The following CSMD1 variants were observed in gnomAD, a reference collection of about 807,000 sequenced individuals.
CSMD1 encodes the protein CUB and sushi domain-containing protein 1.
CSMD1 carries 213 observed loss-of-function variants against 417.5 expected under a neutral mutation model. The ratio of observed to expected loss-of-function variants is 0.51; its 90% CI spans 0.46 to 0.57. CSMD1 has a LOEUF of 0.57. Ranked by LOEUF, CSMD1 falls within the 20% of genes least tolerant of loss-of-function variation. The probability of loss-of-function intolerance (pLI) is 0.00; values close to 1 mark genes in which losing one functional copy is unlikely to be tolerated. For synonymous variants in CSMD1, 2,862 were observed against 1,736.8 expected, an observed-to-expected ratio of 1.65 and a Z score of -16.11; for missense variants, 6,923 against 4,529.7, an observed-to-expected ratio of 1.53 and a Z score of -15.17.
intron 3 of CSMD1, among the ~76,000 whole-genome samples, chr8:4,063,474 TA>T (rs1424507136): frequency 6.6e-6 from 1 of 152,348 alleles, no homozygotes; most frequent in Middle Eastern, 3.4e-3. Context: ...TACCATGTCT[TA>T]TATGCGTCTA....
At chr8:3,737,090 G>C (rs1017136767) in intron 6 of CSMD1, among the ~76,000 whole-genome samples, 1 of 152,148 alleles carries the variant, frequency 6.6e-6, no homozygotes, top group Admixed American at 6.5e-5. Flanking sequence ...TTATATTATA[G>C]TCATGTAACT....
chr8:3,647,278 C>A (rs914670237), intron 7 of CSMD1, among the ~76,000 whole-genome samples: 1 of 152,150 alleles, frequency 6.6e-6, no homozygotes, highest in African/African-American at 2.4e-5. Context: ...ACCAGGGTGG[C>A]AGAACCACCC....
intron 7 of CSMD1, among the ~76,000 whole-genome samples, chr8:3,672,700 G>C (rs982977061): frequency 2.0e-5 from 3 of 152,136 alleles, no homozygotes; most frequent in Non-Finnish European, 4.4e-5. Flanking sequence ...TCCAGTGATG[G>C]GCATGGTGGT....
At chr8:3,157,534 G>A (rs986207308) in intron 39 of CSMD1, among the ~76,000 whole-genome samples, 4 of 152,082 alleles carry the variant, frequency 2.6e-5, no homozygotes, top group Non-Finnish European at 4.4e-5. Context: ...TTTTTCTGAG[G>A]CTAAAGGTCT....
At chr8:4,352,770 A>G (rs150585668) in intron 3 of CSMD1, among the ~76,000 whole-genome samples, 182 of 152,334 alleles carry the variant, frequency 1.2e-3, no homozygotes, top group African/African-American at 4.2e-3. Flanking sequence ...ATGGCAGACA[A>G]ATCTACTGTT....
At chr8:4,076,941 T>C (rs1799851674) in intron 3 of CSMD1, among the ~76,000 whole-genome samples, 2 of 152,304 alleles carry the variant, frequency 1.3e-5, no homozygotes, top group South Asian at 4.1e-4. Context: ...AAAAAAATCT[T>C]ACACAAGGAT....
chr8:4,321,196 ATG>A (rs1462734630), intron 3 of CSMD1, among the ~76,000 whole-genome samples: 1 of 152,010 alleles, frequency 6.6e-6, no homozygotes, highest in African/African-American at 2.4e-5. Flanking sequence ...AGGGTTCAAC[ATG>A]TGTGTCCAGT....
chr8:4,164,890 A>T (rs56018917), intron 3 of CSMD1, among the ~76,000 whole-genome samples: 61,302 of 150,198 alleles, frequency 0.41, 13,352 homozygotes, highest in East Asian at 0.58. Flanking sequence ...GAAAAAAAAA[A>T]ATATATATAT....
intron 10 of CSMD1, among the ~76,000 whole-genome samples, chr8:3,562,806 A>T (rs1466687758): frequency 6.6e-6 from 1 of 152,064 alleles, no homozygotes; most frequent in African/African-American, 2.4e-5. Context: ...ATCGAGAAAA[A>T]CAACTAAGGC....
At chr8:4,565,627 C>T (rs1278658375) in intron 2 of CSMD1, among the ~76,000 whole-genome samples, 2 of 151,434 alleles carry the variant, frequency 1.3e-5, no homozygotes, top group African/African-American at 4.9e-5. Context: ...CCCAGCTACT[C>T]AGGAGGCTGA....
intron 2 of CSMD1, among the ~76,000 whole-genome samples, chr8:4,596,606 T>C (rs960974413): frequency 1.3e-5 from 2 of 152,248 alleles, no homozygotes; most frequent in African/African-American, 2.4e-5. Flanking sequence ...TCTTCCTAAA[T>C]CAATGCAACA....
At chr8:4,076,643 A>G (rs1799836099) in intron 3 of CSMD1, among the ~76,000 whole-genome samples, 1 of 152,220 alleles carries the variant, frequency 6.6e-6, no homozygotes, top group Non-Finnish European at 1.5e-5. Context: ...TATAAGGATT[A>G]TTCTCTAACA....
intron 1 of CSMD1, among the ~76,000 whole-genome samples, chr8:4,802,126 G>C (rs1343828889): frequency 6.6e-6 from 1 of 152,188 alleles, no homozygotes; most frequent in Non-Finnish European, 1.5e-5. Context: ...AGGCCATCTG[G>C]AGGGATCTCA....
rs140379456 is a variant in CSMD1 at position 3,065,595 on chromosome 8, T to C, written c.7475-12948A>G. 1.6e-4 allele frequency among the ~76,000 whole-genome samples: 24 copies of C among 151,942 alleles called. No individual in the cohort carries two copies. In the East Asian group the frequency reaches 3.3e-3, roughly 21 times the overall value. The stretch of plus-strand genomic sequence containing the variant: ...ATAGATACATAGATACACAGATCGA[T>C]AGGAAGATAGAAAGATAGGAAGATG... On this transcript the variant is annotated intron_variant, in intron 49 of 69. Coordinates refer to ENST00000635120, the MANE Select transcript of CSMD1 (RefSeq NM_033225.6).
rs77810313 is a variant in CSMD1 at position 4,600,763 on chromosome 8, G to A, written c.302+36579C>T. On this transcript the variant is annotated intron_variant, in intron 2 of 69. Transcript: ENST00000635120. ...ATCTGCTCTTTATGGGAACTAAGGC[G>A]TGAGGATAAATTGTTAGTAACTTCA... is the stretch of plus-strand genomic sequence containing the variant. 5.9e-3 allele frequency among the ~76,000 whole-genome samples: 893 copies of A among 152,250 alleles called. 57 individuals are homozygous for A. In the East Asian group the frequency reaches 0.15, roughly 26 times the overall value.
intron 5 of CSMD1, among the ~76,000 whole-genome samples, chr8:3,822,577 G>A (rs1029365053): frequency 6.6e-6 from 1 of 152,140 alleles, no homozygotes; most frequent in Admixed American, 6.5e-5. Context: ...CACTTCATGG[G>A]TTTATTGGTA....
At chr8:4,726,615 T>C (rs1050145319) in intron 1 of CSMD1, among the ~76,000 whole-genome samples, 9 of 152,142 alleles carry the variant, frequency 5.9e-5, no homozygotes, top group Non-Finnish European at 7.4e-5. Flanking sequence ...CTGCAAAAGA[T>C]AGAAACCCTG....
At chr8:4,511,437 T>G (rs1802815462) in intron 2 of CSMD1, among the ~76,000 whole-genome samples, 1 of 152,212 alleles carries the variant, frequency 6.6e-6, no homozygotes, top group African/African-American at 2.4e-5. Flanking sequence ...TACAGATTAT[T>G]GTTTTAAAAA....
intron 3 of CSMD1, among the ~76,000 whole-genome samples, chr8:4,188,295 CG>C (rs1798803936): frequency 6.6e-6 from 1 of 151,864 alleles, no homozygotes; most frequent in Admixed American, 6.6e-5. Flanking sequence ...CAATGTCCCC[CG>C]GTTGTCAAAT....
Sources: allele counts gnomAD v4.1 joint callset (sites outside exome capture counted in the v4.1 genomes callset), GRCh38; gene constraint gnomAD v4.1.1; transcripts MANE v1.5; gene names NCBI Gene and HGNC (gene_info 2026-07-23, HGNC 2026-07-21).